Variants in ADCY1 observed in about 807,000 individuals in gnomAD.
ADCY1 encodes adenylate cyclase type 1.
A neutral mutation model predicts 105.4 loss-of-function variants in ADCY1; 28 were observed. The ratio of observed to expected loss-of-function variants is 0.27; its 90% CI spans 0.20 to 0.36. ADCY1 has a LOEUF of 0.36. ADCY1 is among the 10% of genes least tolerant of loss of function. The pLI, the probability that ADCY1 is intolerant of heterozygous loss-of-function variation, is 1.00. For synonymous variants in ADCY1, 655 were observed against 623.8 expected (o/e 1.05, Z -0.75); for missense variants, 977 against 1,434.2 (o/e 0.68, Z 5.15).
intron 1 of ADCY1, among the ~76,000 whole-genome samples, chr7:45,586,372 G>A (rs183534023): frequency 3.9e-5 from 6 of 152,240 alleles, no homozygotes; most frequent in South Asian, 4.1e-4. Flanking sequence ...ACCTGATGAC[G>A]GGAGCTCAGG....
At chr7:45,709,681 G>A (rs1374433175) in intron 18 of ADCY1, among the ~76,000 whole-genome samples, 1 of 152,216 alleles carries the variant, frequency 6.6e-6, no homozygotes, top group African/African-American at 2.4e-5. Context: ...TAGTCCACAA[G>A]TATGGAAGGG....
At position 45,599,677 on chromosome 7, in the gene ADCY1, A is replaced by G. The variant is rs185941146; in HGVS notation, c.789+6769A>G. Among the ~76,000 whole-genome samples the G allele has an allele frequency of 2.4e-3, 365 of 150,384 alleles. 2 individuals carry two copies. Among genetic ancestry groups the G allele is most frequent in the African/African-American group, 8.3e-3 (338 of 40,832 alleles). The stretch of plus-strand genomic sequence containing the variant: ...AGTCTCATTCTGTCACCCCAGCTTG[A>G]GTACAGTGGCGCTATCTCAACTCAC... On this transcript the variant is annotated intron_variant, in intron 2 of 19. Transcript: ENST00000297323.
chr7:45,611,812 C>T (rs892880961), intron 3 of ADCY1, among the ~76,000 whole-genome samples: 1 of 152,100 alleles, frequency 6.6e-6, no homozygotes, highest in Non-Finnish European at 1.5e-5. Context: ...GTTTGAGGGA[C>T]CTGAAACACT....
At chr7:45,601,122 G>T (rs1168846331) in intron 2 of ADCY1, among the ~76,000 whole-genome samples, 2 of 152,164 alleles carry the variant, frequency 1.3e-5, no homozygotes, top group Non-Finnish European at 2.9e-5. Context: ...ACTGGTGAGT[G>T]CCTGGCTCTG....
chr7:45,671,859 A>G (rs997183208), intron 8 of ADCY1, among the ~76,000 whole-genome samples: 3 of 152,124 alleles, frequency 2.0e-5, no homozygotes, highest in Admixed American at 1.3e-4. Context: ...GTGGTTTGCA[A>G]TTATTTCCTC....
At chr7:45,597,099 G>A (rs1221308702) in intron 2 of ADCY1, among the ~76,000 whole-genome samples, 1 of 152,120 alleles carries the variant, frequency 6.6e-6, no homozygotes, top group African/African-American at 2.4e-5. Flanking sequence ...GCACTTTATG[G>A]CCCCCACTGA....
intron 2 of ADCY1, among the ~76,000 whole-genome samples, chr7:45,594,883 C>T (rs1425553317): frequency 3.3e-5 from 5 of 152,068 alleles, no homozygotes; most frequent in Non-Finnish European, 7.4e-5. Flanking sequence ...TTTATTTTTC[C>T]CCACGTGATT....
At chr7:45,581,361 C>T (rs4724420) in intron 1 of ADCY1, among the ~76,000 whole-genome samples, 63,283 of 152,050 alleles carry the variant, frequency 0.42, 13,490 homozygotes, top group East Asian at 0.52. Flanking sequence ...TAAAACTGAA[C>T]AGCTGCAGCG....
chr7:45,602,718 A>G (rs369840969), intron 2 of ADCY1, among the ~76,000 whole-genome samples: 19 of 152,224 alleles, frequency 1.2e-4, no homozygotes, highest in African/African-American at 4.6e-4. Flanking sequence ...TTTATGTACC[A>G]TAAAGTTCAA....
intron 4 of ADCY1, among the ~76,000 whole-genome samples, chr7:45,644,430 C>T (rs1794606793): frequency 6.6e-6 from 1 of 152,244 alleles, no homozygotes; most frequent in African/African-American, 2.4e-5. Flanking sequence ...CCTGCTCAGT[C>T]AAGGCCATGA....
chr7:45,575,256 G>C lies in ADCY1; in HGVS notation c.639+74G>C. 1 of 1,497,866 alleles carries C rather than the reference G, an allele frequency of 6.7e-7. No homozygotes were observed. The highest frequency in any genetic ancestry group is 8.8e-7 in the Non-Finnish European group (1 of 1,130,626). 92.8% of individuals were successfully genotyped at this position (1,497,866 alleles called of 1,614,324 possible). A position where few individuals can be genotyped will look rare whatever the true frequency, so the allele number is the denominator to read the frequency against. On this transcript the variant is annotated intron_variant, in intron 1 of 19. Transcript: ENST00000297323. This position sits in a 1 kb window ranked among gnomAD's most constrained non-coding sequence, Gnocchi z 4.7. Reference sequence around the variant, plus strand: ...GACGATGCTGGGAATGCCCGGAGTCGGGCGCGCTTTTTCCTATGCGGCGGG... The same window carrying C: ...GACGATGCTGGGAATGCCCGGAGTCCGGCGCGCTTTTTCCTATGCGGCGGG...
intron 1 of ADCY1, among the ~76,000 whole-genome samples, chr7:45,589,039 G>A (rs1792824121): frequency 2.0e-5 from 3 of 152,146 alleles, no homozygotes; most frequent in South Asian, 2.1e-4. Context: ...CATTTGGGAG[G>A]TACTACAGTT....
In ADCY1 at chr7:45,647,011, T is replaced by C. The variant is rs1436913935; in HGVS notation, c.1021-1659T>C. Among the ~76,000 whole-genome samples the C allele has an allele frequency of 6.6e-6, 1 of 152,178 alleles. No homozygotes were observed. The highest frequency in any genetic ancestry group is 1.9e-4 in the East Asian group (1 of 5,196). On this transcript the variant is annotated intron_variant, in intron 4 of 19. Transcript: ENST00000297323. The surrounding 1 kb of genome is among the most constrained non-coding windows in gnomAD (Gnocchi z 4.6). ...TCCTCCCCTTTTCTCCCGTCCATGG[T>C]CTTGGAGTGCTGAGGGAGGCTCAGT...
chr7:45,611,639 T>G (rs1182859175), intron 3 of ADCY1, among the ~76,000 whole-genome samples: 1 of 83,346 alleles, frequency 1.2e-5, no homozygotes, highest in Non-Finnish European at 3.0e-5. Flanking sequence ...GTTTGCTTGT[T>G]TTTTTTTTTT....
intron 2 of ADCY1, among the ~76,000 whole-genome samples, chr7:45,603,931 C>T (rs1166763045): frequency 6.6e-6 from 1 of 151,962 alleles, no homozygotes; most frequent in Non-Finnish European, 1.5e-5. Flanking sequence ...GTGGCTGTAT[C>T]ACAGTTTGTT....
chr7:45,670,035 G>T (rs897958824), intron 8 of ADCY1, among the ~76,000 whole-genome samples: 1 of 152,216 alleles, frequency 6.6e-6, no homozygotes, highest in Non-Finnish European at 1.5e-5. Flanking sequence ...ATTGGAGTTA[G>T]CTTTTGAATT....
At chr7:45,628,133 A>G (rs1162543386) in intron 4 of ADCY1, among the ~76,000 whole-genome samples, 1 of 152,210 alleles carries the variant, frequency 6.6e-6, no homozygotes, top group Non-Finnish European at 1.5e-5. Context: ...TCAGAGTCTT[A>G]GGGATAAGGA....
At chr7:45,664,480 A>T (rs1584316813) in intron 8 of ADCY1, 5 of 1,500,210 alleles carry the variant, frequency 3.3e-6, no homozygotes, top group Non-Finnish European at 2.7e-6. Flanking sequence ...TTCTTCTCTC[A>T]GCACTCTCTC....
chr7:45,623,174 T>C (rs1448354305), intron 4 of ADCY1, among the ~76,000 whole-genome samples: 1 of 152,164 alleles, frequency 6.6e-6, no homozygotes, highest in Non-Finnish European at 1.5e-5. Flanking sequence ...ACTTGTCAGC[T>C]GGGGGCCCAG....
Sources: allele counts gnomAD v4.1 joint callset (sites outside exome capture counted in the v4.1 genomes callset), GRCh38; gene constraint gnomAD v4.1.1; non-coding constraint Gnocchi (gnomAD v3.1); transcripts MANE v1.5; gene names NCBI Gene and HGNC (gene_info 2026-07-23, HGNC 2026-07-21).